Variants in MUC5AC observed in about 807,000 individuals in gnomAD.
The protein encoded by MUC5AC is mucin 5AC, oligomeric mucus/gel-forming, also known as mucin-5AC.
A neutral mutation model predicts 169.7 loss-of-function variants in MUC5AC; 158 were observed. That is an observed-to-expected ratio of 0.93 (90% confidence interval 0.82 to 1.06). The LOEUF is 1.06. Among genes scored for constraint, MUC5AC ranks in the 50% least tolerant of loss-of-function variants. The pLI is 0.00. For synonymous variants in MUC5AC, 1,975 were observed against 1,237.0 expected, an observed-to-expected ratio of 1.60 and a Z score of -12.52; for missense variants, 4,359 against 3,089.9, an observed-to-expected ratio of 1.41 and a Z score of -9.74.
chr11:1,169,668 CCACTCACT>C (rs1233185568), intron 15 of MUC5AC, among the ~76,000 whole-genome samples: 1 of 141,522 alleles, frequency 7.1e-6, no homozygotes, highest in African/African-American at 2.7e-5. Context: ...ACCCACTCAC[CCACTCACT>C]CACCCATTCA....
chr11:1,190,006 A>G lies in MUC5AC; in HGVS notation c.11861A>G (p.His3954Arg), dbSNP rs1861049653. ...THSQPVTRDCHPRCTWTKWFD... is the reference protein window; with the variant it reads ...THSQPVTRDCRPRCTWTKWFD... ...TCCCAACCAGTCACCAGAGACTGTCATCCCCGGTGCACCTGGACCAAGTGG... is the reference window on the plus strand; with the variant it reads ...TCCCAACCAGTCACCAGAGACTGTCGTCCCCGGTGCACCTGGACCAAGTGG... The change falls in exon 31 of 49, where the codon CAT (histidine) becomes CGT (arginine). Residue 3954 changes from histidine (H) to arginine (R), a missense_variant. Transcript: ENST00000621226. 3.9e-6 allele frequency: 3 copies of G among 765,144 alleles called. No homozygotes were observed. Among genetic ancestry groups the G allele is most frequent in the Non-Finnish European group, 7.2e-6 (3 of 417,884 alleles). 47.4% of individuals were successfully genotyped at this position (765,144 alleles called of 1,614,324 possible).
At chr11:1,171,614 C>T (rs1590139265) in intron 15 of MUC5AC, among the ~76,000 whole-genome samples, 1 of 142,932 alleles carries the variant, frequency 7.0e-6, no homozygotes, top group Non-Finnish European at 1.5e-5. Flanking sequence ...CCCATTCACC[C>T]ACTCACGAAC....
In MUC5AC at chr11:1,196,891, C is replaced by T. The variant is rs755786858; in HGVS notation, c.15844C>T (p.His5282Tyr). 1.0e-5 allele frequency: 8 copies of T among 763,406 alleles called. No homozygotes were observed. Among genetic ancestry groups the T allele is most frequent in the Non-Finnish European group, 1.9e-5 (8 of 417,294 alleles). The allele number at this position is 763,406 out of a possible 1,614,324, so 47.3% of individuals were successfully genotyped here. The change falls in exon 40 of 49, where the codon CAC becomes TAC. Residue 5282 changes from histidine (H) to tyrosine (Y), a missense_variant. Physicochemically the swap from His to Tyr is moderately conservative, Grantham distance 83 (BLOSUM62 2). Coordinates refer to ENST00000621226, the MANE Select transcript of MUC5AC (RefSeq NM_001304359.2). Reference sequence around the variant, plus strand: ...TCTCCTTCCAGGGTGTCTGGGGCCCCACGGAGAGCCGGTGAAGGTGAGTGG... The same window carrying T: ...TCTCCTTCCAGGGTGTCTGGGGCCCTACGGAGAGCCGGTGAAGGTGAGTGG... ...PTGCPRCLGP[H>Y]GEPVKVGHTV...
At position 1,160,602 on chromosome 11, in the gene MUC5AC, C is replaced by T; in HGVS notation, c.74-10C>T. 1.2e-6 allele frequency: 2 copies of T among 1,604,920 alleles called. No individual in the cohort carries two copies. The highest frequency in any genetic ancestry group is 1.7e-6 in the Non-Finnish European group (2 of 1,178,456). ...TGCATCTGGGCTCAGCCCCCCTCCT[C>T]TTTCTGCAGGCCATGCCCAGGATGG... On this transcript the variant is annotated splice_polypyrimidine_tract_variant and intron_variant, in intron 1 of 48. Coordinates refer to ENST00000621226, the MANE Select transcript of MUC5AC (RefSeq NM_001304359.2).
intron 35 of MUC5AC, 83 bp downstream of exon 35, chr11:1,194,753 G>C (rs1044332528): frequency 1.1e-5 from 7 of 654,090 alleles, no homozygotes; most frequent in Non-Finnish European, 8.2e-6. Context: ...CACGTGCCGC[G>C]TGTGCCGGTG....
At chr11:1,171,274 CCACT>C (rs1860516697) in intron 15 of MUC5AC, among the ~76,000 whole-genome samples, 7 of 133,096 alleles carry the variant, frequency 5.3e-5, no homozygotes, top group East Asian at 2.6e-4. Flanking sequence ...ACTCACTCAC[CCACT>C]CACTCACCCA....
At position 1,180,124 on chromosome 11, in the gene MUC5AC, G is replaced by C; in HGVS notation, c.3587G>C (p.Cys1196Ser). 1 of 398,874 alleles carries C rather than the reference G, an allele frequency of 2.5e-6. No homozygotes were observed. The highest frequency in any genetic ancestry group is 4.4e-6 in the Non-Finnish European group (1 of 226,152). The allele number at this position is 398,874 out of a possible 1,614,324, so 24.7% of individuals were successfully genotyped here. A position where few individuals can be genotyped will look rare whatever the true frequency, so the allele number is the denominator to read the frequency against. The change falls in exon 27 of 49, where the codon TGC (cysteine) becomes TCC (serine). Residue 1196 changes from cysteine (C) to serine (S), a missense_variant. Coordinates refer to ENST00000621226, the MANE Select transcript of MUC5AC (RefSeq NM_001304359.2). Reference protein sequence around the residue: ...LRTCRNPRGDCLRDVRGLEGC... With the variant: ...LRTCRNPRGDSLRDVRGLEGC... ...ACCTGCCGGAACCCCCGTGGAGACT[G>C]CCTGCGGGACGTCCGGGGCCTGGAA...
At position 1,199,718 on chromosome 11, in the gene MUC5AC, C is replaced by A; in HGVS notation, c.16539C>A (p.Asp5513Glu). Residue 5513 changes from aspartate (D) to glutamate (E), a missense_variant, in exon 47 of 49, where the codon GAC (aspartate) becomes GAA (glutamate). Asp to Glu is a conservative substitution (Grantham distance 45, BLOSUM62 2). Coordinates refer to ENST00000621226, the MANE Select transcript of MUC5AC (RefSeq NM_001304359.2). ...CSLDEARMSK[D>E]GCCRFCPPPP... ...AGGACGAGGCCCGCATGAGCAAGGA[C>A]GGCTGCTGCCGCTTCTGCCCGCCGC... 1.4e-6 allele frequency: 1 copy of A among 711,614 alleles called. No homozygotes were observed. The highest frequency in any genetic ancestry group is 1.5e-5 in the South Asian group (1 of 68,382). 44.1% of individuals were successfully genotyped at this position (711,614 alleles called of 1,614,324 possible).
intron 16 of MUC5AC, 56 bp downstream of exon 16, chr11:1,172,579 G>A (rs1860573842): frequency 5.0e-6 from 2 of 398,572 alleles, no homozygotes; most frequent in Non-Finnish European, 8.8e-6. Context: ...CCTCACGGCT[G>A]CCTCCAGGAG....
At chr11:1,198,341 GGGAC>G in intron 43 of MUC5AC, 36 bp downstream of exon 43, 1 of 729,712 alleles carries the variant, frequency 1.4e-6, no homozygotes, top group Non-Finnish European at 2.5e-6. Flanking sequence ...CTCAGCCATA[GGGAC>G]GGAGCTTCCC....
intron 11 of MUC5AC, among the ~76,000 whole-genome samples, chr11:1,167,152 CT>C (rs1393196173): frequency 7.0e-6 from 1 of 142,426 alleles, no homozygotes; most frequent in African/African-American, 2.6e-5. Context: ...CACAGTCTCC[CT>C]ATGGTGAGAC....
In MUC5AC at chr11:1,194,474, G is replaced by A. The variant is rs1443253710; in HGVS notation, c.15007-13G>A. On this transcript the variant is annotated splice_polypyrimidine_tract_variant and intron_variant, in intron 34 of 48. Transcript: ENST00000621226. ...TGCCTTCTGACTTCCCGTCGACCAC[G>A]CCCTGCGTCCAGATCATCTTCAACA... 3 of 747,582 alleles carry A rather than the reference G, an allele frequency of 4.0e-6. No homozygotes were observed. Among genetic ancestry groups the A allele is most frequent in the South Asian group, 2.7e-5 (2 of 72,916 alleles). The allele number at this position is 747,582 out of a possible 1,614,324, so 46.3% of individuals were successfully genotyped here.
In MUC5AC at chr11:1,164,107, G is replaced by A. The variant is rs1187842970; in HGVS notation, c.791G>A (p.Gly264Asp). ...GACGGGCTGTGGCCTTTGTCCTAGG[G>A]CATCTGTGAGGAGCTCCTGCACGGC... Reference protein sequence around the residue: ...EPPRNCSTGFGICEELLHGQL... With the variant: ...EPPRNCSTGFDICEELLHGQL... The change falls in exon 8 of 49, where the codon GGC becomes GAC. Residue 264 changes from glycine (G) to aspartate (D), a missense_variant and splice_region_variant. By Grantham distance (94) the Gly-to-Asp change is moderately conservative (BLOSUM62 -1). Coordinates refer to ENST00000621226, the MANE Select transcript of MUC5AC (RefSeq NM_001304359.2). 6.2e-7 allele frequency: 1 copy of A among 1,611,958 alleles called. No homozygotes were observed. The highest frequency in any genetic ancestry group is 1.3e-5 in the African/African-American group (1 of 74,928).
chr11:1,163,154 G>A (rs1223841877), intron 6 of MUC5AC, 109 bp downstream of exon 6: 5 of 1,010,914 alleles, frequency 4.9e-6, no homozygotes, highest in South Asian at 2.6e-5. Context: ...ACAGATACAC[G>A]GATGCAGCTG....
At position 1,194,598 on chromosome 11, in the gene MUC5AC, A is replaced by G; in HGVS notation, c.15118A>G (p.Met5040Val). The G allele has an allele frequency of 2.6e-6, 2 of 764,668 alleles. No homozygotes were observed. The highest frequency in any genetic ancestry group is 4.8e-6 in the Non-Finnish European group (2 of 417,672). The allele number at this position is 764,668 out of a possible 1,614,324, so 47.4% of individuals were successfully genotyped here. The change falls in exon 35 of 49, where the codon ATG becomes GTG. Residue 5040 changes from methionine (M) to valine (V), a missense_variant. Transcript: ENST00000621226. ...ATIPELGVQV[M>V]FSGLIFSVEV... ...CATCCCGGAGCTGGGAGTCCAGGTC[A>G]TGTTCTCCGGCCTCATCTTCTCCGT...
intron 36 of MUC5AC, 120 bp downstream of exon 36, chr11:1,195,399 G>A: frequency 1.5e-6 from 1 of 648,012 alleles, no homozygotes; most frequent in Non-Finnish European, 2.8e-6. Context: ...GAGAGCTGCT[G>A]GTACCACAGA....
chr11:1,197,701 C>T lies in MUC5AC; in HGVS notation c.16033+62C>T, dbSNP rs957913968. ...GGCAGGTGACCCGGAGCCCACTCGG[C>T]CCGGACTTTGCTGCTGCCTTGGGGC... On this transcript the variant is annotated intron_variant, in intron 41 of 48. Coordinates refer to ENST00000621226, the MANE Select transcript of MUC5AC (RefSeq NM_001304359.2). 81 of 644,286 alleles carry T rather than the reference C, an allele frequency of 1.3e-4. No individual in the cohort carries two copies. In the Admixed American group the frequency reaches 1.7e-3, roughly 14 times the overall value. The allele number at this position is 644,286 out of a possible 1,614,324, so 39.9% of individuals were successfully genotyped here.
Position 1,191,648 on chromosome 11 carries a change from T to C in MUC5AC, c.13503T>C (p.Ser4501=), listed in dbSNP as rs1554929007. 1.9e-6 allele frequency: 1 copy of C among 540,128 alleles called. No individual in the cohort carries two copies. The allele number at this position is 540,128 out of a possible 1,614,324, so 33.5% of individuals were successfully genotyped here. ...SAPTTSTTSA[S]TASTTSGPGT... The stretch of plus-strand genomic sequence containing the variant: ...CTACAACCAGCACAACCTCTGCCTC[T>C]ACAGCCAGCACAACCTCTGGTCCTG... The change falls in exon 31 of 49, where the codon TCT becomes TCC. Residue 4501 remains serine (S), a synonymous_variant. Transcript: ENST00000621226.
rs745692799 is a variant in MUC5AC at position 1,168,562 on chromosome 11, G to A, written c.1567+10G>A. ...CTGCCCATCTCTGCAGGTGAGGGCA[G>A]TGGCTTCTTCCCCACCCCGGGGCTG... On this transcript the variant is annotated intron_variant, in intron 13 of 48. Coordinates refer to ENST00000621226, the MANE Select transcript of MUC5AC (RefSeq NM_001304359.2). The A allele has an allele frequency of 6.2e-7, 1 of 1,612,476 alleles. No homozygotes were observed. The highest frequency in any genetic ancestry group is 1.3e-5 in the African/African-American group (1 of 74,926).
Sources: gnomAD v4.1 joint callset for allele counts (sites outside exome capture counted in the v4.1 genomes callset) on GRCh38, gnomAD v4.1.1 for gene constraint, MANE v1.5 for transcripts, NCBI Gene and HGNC (gene_info 2026-07-23, HGNC 2026-07-21) for gene names.